Variants in ZNF66 observed in about 807,000 individuals in gnomAD.
ZNF66 encodes putative zinc finger protein 66.
Under a neutral mutation model 35.2 loss-of-function variants are expected in ZNF66, and 32 were observed. The observed-to-expected ratio is 0.91, with a 90% CI of 0.69 to 1.22. The LOEUF is 1.22. ZNF66 is among the 50% of genes most tolerant of loss of function. The pLI is 0.00. For synonymous variants in ZNF66, 231 were observed against 181.3 expected, an observed-to-expected ratio of 1.27 and a Z score of -2.20; for missense variants, 666 against 543.1, an observed-to-expected ratio of 1.23 and a Z score of -2.25.
rs996431338 is a variant in ZNF66, at chr19:20,809,574, C to G, written c.*2252C>G. Among the ~76,000 whole-genome samples, 15 of 151,632 alleles carry G rather than the reference C, an allele frequency of 9.9e-5. No homozygotes were observed. Among genetic ancestry groups the G allele is most frequent in the Admixed American group, 2.6e-4 (4 of 15,212 alleles). On this transcript the variant is annotated 3_prime_UTR_variant, in exon 4 of 4. Transcript: ENST00000344519. ...TTCAACCCAGAATTTCATATCCAGCCAAACTAAGCTTCATAAGTGAAGGAG... is the reference window on the plus strand; with the variant it reads ...TTCAACCCAGAATTTCATATCCAGCGAAACTAAGCTTCATAAGTGAAGGAG...
intron 1 of ZNF66, 35 bp from the exon 2 acceptor site, chr19:20,792,477 C>G: frequency 6.8e-7 from 1 of 1,471,424 alleles, no homozygotes; most frequent in Non-Finnish European, 9.3e-7. Flanking sequence ...CGCCCATAAC[C>G]ACTTGGTGAA....
At chr19:20,777,261 TA>T (rs1237717721) in intron 1 of ZNF66, among the ~76,000 whole-genome samples, 1 of 151,936 alleles carries the variant, frequency 6.6e-6, no homozygotes, top group Non-Finnish European at 1.5e-5. Context: ...AAGACATTTA[TA>T]AAATGCATGA....
chr19:20,800,330 G>A (rs1372763688), intron 3 of ZNF66, among the ~76,000 whole-genome samples: 3 of 152,140 alleles, frequency 2.0e-5, no homozygotes, highest in Non-Finnish European at 4.4e-5. Context: ...TAAAGCTTGG[G>A]TATGTGTCCT....
At position 20,792,526 on chromosome 19, in the gene ZNF66, T is replaced by TTTC. The variant is rs1971347725; in HGVS notation, c.18_19insTTC (p.Phe6dup). The stretch of plus-strand genomic sequence containing the variant: ...ATATTTTTCAGGGGCCATTGCAATT[T>TTTC]AGAGATGTGGCCATAGAATTCTCTC... On this transcript the variant is annotated inframe_insertion, in exon 2 of 4. Coordinates refer to ENST00000344519, the MANE Select transcript of ZNF66 (RefSeq NM_001355197.2). 6.5e-7 allele frequency: 1 copy of TTTC among 1,532,254 alleles called. No individual in the cohort carries two copies. The highest frequency in any genetic ancestry group is 9.0e-7 in the Non-Finnish European group (1 of 1,112,284). The allele number at this position is 1,532,254 out of a possible 1,614,324, so 94.9% of individuals were successfully genotyped here.
At chr19:20,793,943 C>T in intron 3 of ZNF66, 65 bp downstream of exon 3, 1 of 750,818 alleles carries the variant, frequency 1.3e-6, no homozygotes, top group Non-Finnish European at 2.1e-6. Context: ...AAAAAGAAAG[C>T]CAGTCCTTAA....
chr19:20,802,048 A>G (rs1212024456), intron 3 of ZNF66, among the ~76,000 whole-genome samples: 1 of 152,076 alleles, frequency 6.6e-6, no homozygotes, highest in Non-Finnish European at 1.5e-5. Context: ...TGCAAAAGCT[A>G]ATATATGTGC....
chr19:20,783,199 G>C (rs1206613338), intron 1 of ZNF66, among the ~76,000 whole-genome samples: 1 of 151,962 alleles, frequency 6.6e-6, no homozygotes, highest in Non-Finnish European at 1.5e-5. Flanking sequence ...CTGTTGCATT[G>C]GTCTTGTGCA....
At chr19:20,803,211 G>T (rs1488997653) in intron 3 of ZNF66, among the ~76,000 whole-genome samples, 3 of 139,628 alleles carry the variant, frequency 2.1e-5, no homozygotes, top group Non-Finnish European at 4.8e-5. Context: ...TTGATTTGGA[G>T]AGATAATTAT....
chr19:20,804,500 C>G (rs1196779400), intron 3 of ZNF66, among the ~76,000 whole-genome samples: 2 of 152,120 alleles, frequency 1.3e-5, no homozygotes, highest in African/African-American at 2.4e-5. Context: ...CCACCTTGGC[C>G]TCTCAAAGTG....
intron 3 of ZNF66, among the ~76,000 whole-genome samples, chr19:20,797,841 T>TA (rs1189577777): frequency 6.6e-6 from 1 of 152,164 alleles, no homozygotes; most frequent in East Asian, 1.9e-4. Context: ...GGATTACAGT[T>TA]ATGATCCACT....
At chr19:20,796,901 G>A (rs913332673) in intron 3 of ZNF66, among the ~76,000 whole-genome samples, 6 of 151,864 alleles carry the variant, frequency 4.0e-5, no homozygotes, top group African/African-American at 9.7e-5. Context: ...CCCAGCCTGC[G>A]GTGCAGTGGT....
At chr19:20,783,552 G>C (rs538988672) in intron 1 of ZNF66, among the ~76,000 whole-genome samples, 64 of 152,166 alleles carry the variant, frequency 4.2e-4, no homozygotes, top group African/African-American at 1.5e-3. Context: ...GGTAGACACA[G>C]ATTTGTTTAG....
At position 20,806,252 on chromosome 19, in the gene ZNF66, A is replaced by G; in HGVS notation, c.652A>G (p.Thr218Ala). ...KAFNRSSHLT[T>A]HKIIHTGEKR... ...CTTCAACCGGTCCTCACACCTTACT[A>G]CACATAAGATAATTCATACTGGAGA... Residue 218 changes from threonine (T) to alanine (A), a missense_variant, in exon 4 of 4, where the codon ACA becomes GCA. Physicochemically the swap from Thr to Ala is moderately conservative, Grantham distance 58 (BLOSUM62 0). Coordinates refer to ENST00000344519, the MANE Select transcript of ZNF66 (RefSeq NM_001355197.2). The G allele has an allele frequency of 2.8e-6, 4 of 1,450,138 alleles. No individual in the cohort carries two copies. Among genetic ancestry groups the G allele is most frequent in the Non-Finnish European group, 3.9e-6 (4 of 1,031,370 alleles). 89.8% of individuals were successfully genotyped at this position (1,450,138 alleles called of 1,614,324 possible).
At position 20,807,649 on chromosome 19, in the gene ZNF66, C is replaced by T. The variant is rs8112535; in HGVS notation, c.*327C>T. Among the ~76,000 whole-genome samples, 84,309 of 150,954 alleles carry T rather than the reference C, an allele frequency of 0.56. 23,548 individuals carry two copies. Among genetic ancestry groups the T allele is most frequent in the East Asian group, 0.62 (3,147 of 5,092 alleles). On this transcript the variant is annotated 3_prime_UTR_variant, in exon 4 of 4. Transcript: ENST00000344519. Reference sequence around the variant, plus strand: ...AAGCTGGAATACAATGTGATGATCTCGGATCACTGAAACCTCTGCCTCCCG... The same window carrying T: ...AAGCTGGAATACAATGTGATGATCTTGGATCACTGAAACCTCTGCCTCCCG...
At chr19:20,800,651 C>T (rs1186015680) in intron 3 of ZNF66, among the ~76,000 whole-genome samples, 2 of 152,192 alleles carry the variant, frequency 1.3e-5, no homozygotes, top group Admixed American at 1.3e-4. Context: ...CACACTTACT[C>T]TGTCTCTTAC....
chr19:20,779,953 C>G (rs967650548), intron 1 of ZNF66, among the ~76,000 whole-genome samples: 2 of 144,968 alleles, frequency 1.4e-5, no homozygotes, highest in African/African-American at 5.1e-5. Context: ...AACACCAAAA[C>G]AACAAAAATT....
At position 20,808,395 on chromosome 19, in the gene ZNF66, G is replaced by A. The variant is rs148042979; in HGVS notation, c.*1073G>A. On this transcript the variant is annotated 3_prime_UTR_variant, in exon 4 of 4. Coordinates refer to ENST00000344519, the MANE Select transcript of ZNF66 (RefSeq NM_001355197.2). Reference sequence around the variant, plus strand: ...CTGGAGATCTGAGAACGGGCAGACTGCCTCCTCAAGTGGGTCTCTGACCCC... The same window carrying A: ...CTGGAGATCTGAGAACGGGCAGACTACCTCCTCAAGTGGGTCTCTGACCCC... 0.042 allele frequency among the ~76,000 whole-genome samples: 6,345 copies of A among 152,312 alleles called. 217 individuals carry two copies. Among genetic ancestry groups the A allele is most frequent in the South Asian group, 0.12 (563 of 4,818 alleles).
intron 1 of ZNF66, among the ~76,000 whole-genome samples, chr19:20,782,234 C>T (rs150897209): frequency 2.6e-5 from 4 of 152,306 alleles, no homozygotes; most frequent in Non-Finnish European, 5.9e-5. Flanking sequence ...CATGGGCCAC[C>T]GCTTCTGACC....
At chr19:20,805,049 T>C (rs919301172) in intron 3 of ZNF66, among the ~76,000 whole-genome samples, 4 of 152,060 alleles carry the variant, frequency 2.6e-5, no homozygotes, top group African/African-American at 9.7e-5. Flanking sequence ...AAAATTAAGA[T>C]GTATGTGCCA....
Sources: gnomAD v4.1 joint callset for allele counts (sites outside exome capture counted in the v4.1 genomes callset) on GRCh38, gnomAD v4.1.1 for gene constraint, MANE v1.5 for transcripts, NCBI Gene and HGNC (gene_info 2026-07-23, HGNC 2026-07-21) for gene names.